The following ARHGEF3 variants were observed in gnomAD, a reference collection of about 807,000 sequenced individuals.
ARHGEF3 encodes the protein Rho guanine nucleotide exchange factor 3.
Under a neutral mutation model 63.2 loss-of-function variants are expected in ARHGEF3, and 28 were observed. That is an observed-to-expected ratio of 0.44 (90% confidence interval 0.33 to 0.61). The LOEUF (loss-of-function observed/expected upper bound fraction) is 0.61, where lower values mean the gene tolerates loss of function less well. ARHGEF3 is among the 20% of genes least tolerant of loss of function. ARHGEF3 has a pLI of 0.03. For synonymous variants in ARHGEF3, 266 were observed against 254.2 expected, an observed-to-expected ratio of 1.05 and a Z score of -0.44; for missense variants, 533 against 659.3, an observed-to-expected ratio of 0.81 and a Z score of 2.10.
chr3:56,926,980 C>T (rs1055030739), intron 3 of ARHGEF3, among the ~76,000 whole-genome samples: 2 of 152,110 alleles, frequency 1.3e-5, no homozygotes, highest in African/African-American at 4.8e-5. Flanking sequence ...TCTGGAAATG[C>T]CAAGCCAGCC....
chr3:56,764,286 T>C (rs1001432125), intron 2 of ARHGEF3, among the ~76,000 whole-genome samples: 6 of 152,160 alleles, frequency 3.9e-5, no homozygotes, highest in Non-Finnish European at 7.3e-5. Flanking sequence ...CTCAACCATC[T>C]TCATTGGGCA....
intron 1 of ARHGEF3, among the ~76,000 whole-genome samples, chr3:57,066,256 C>T (rs1705528709): frequency 6.6e-6 from 1 of 151,552 alleles, no homozygotes; most frequent in African/African-American, 2.4e-5. Flanking sequence ...AACCATTACA[C>T]TTTTCCTTTC....
At chr3:56,947,828 C>T (rs1339034046) in intron 3 of ARHGEF3, among the ~76,000 whole-genome samples, 3 of 152,176 alleles carry the variant, frequency 2.0e-5, no homozygotes, top group Non-Finnish European at 4.4e-5. Context: ...AATATACATT[C>T]TTCTCAGCAC....
chr3:57,042,696 ATATAT>A (rs1174547975), intron 1 of ARHGEF3, among the ~76,000 whole-genome samples: 24 of 33,512 alleles, frequency 7.2e-4, no homozygotes, highest in African/African-American at 1.8e-3. Context: ...ATATATATAT[ATATAT>A]TTTTTTTTTT....
At chr3:57,069,376 AACACACACACACAC>A (rs147675971) in intron 1 of ARHGEF3, among the ~76,000 whole-genome samples, 2 of 146,360 alleles carry the variant, frequency 1.4e-5, no homozygotes, top group African/African-American at 5.0e-5. Flanking sequence ...CTGTCTCTCA[AACACACACACACAC>A]ACACACACAC....
chr3:56,982,216 A>G (rs1701352654), intron 2 of ARHGEF3, among the ~76,000 whole-genome samples: 2 of 152,084 alleles, frequency 1.3e-5, no homozygotes, highest in African/African-American at 4.8e-5. Context: ...AAGGTAGCCT[A>G]TCACTAGACT....
At chr3:56,916,814 T>C (rs2042002362) in intron 3 of ARHGEF3, among the ~76,000 whole-genome samples, 1 of 152,226 alleles carries the variant, frequency 6.6e-6, no homozygotes, top group African/African-American at 2.4e-5. Context: ...GAGGAATCAA[T>C]GATCTACTTG....
intron 1 of ARHGEF3, among the ~76,000 whole-genome samples, chr3:56,782,078 A>G (rs1464192220): frequency 3.9e-5 from 6 of 152,238 alleles, no homozygotes; most frequent in African/African-American, 1.2e-4. Context: ...GAGCTTGCAA[A>G]TGACTCTTCA....
intron 4 of ARHGEF3, among the ~76,000 whole-genome samples, chr3:56,844,900 A>C (rs1337572300): frequency 6.6e-6 from 1 of 152,200 alleles, no homozygotes; most frequent in East Asian, 1.9e-4. Context: ...GCCATATAGA[A>C]CATGGCAAGA....
chr3:56,860,986 C>A (rs968628891), intron 4 of ARHGEF3, among the ~76,000 whole-genome samples: 1 of 152,100 alleles, frequency 6.6e-6, no homozygotes, highest in Non-Finnish European at 1.5e-5. Context: ...AAAGGCAATG[C>A]GGCAGAAATA....
intron 3 of ARHGEF3, among the ~76,000 whole-genome samples, chr3:56,927,382 G>A (rs752819999): frequency 4.6e-5 from 7 of 152,146 alleles, no homozygotes; most frequent in Non-Finnish European, 1.0e-4. Context: ...GCTGACAATG[G>A]CTAGGGCATT....
At chr3:56,745,095 A>G in intron 7 of ARHGEF3, 110 bp downstream of exon 7, 1 of 1,375,998 alleles carries the variant, frequency 7.3e-7, no homozygotes, top group Non-Finnish European at 9.9e-7. Flanking sequence ...GGAACCCAAG[A>G]TTCCTGAGTA....
intron 3 of ARHGEF3, among the ~76,000 whole-genome samples, chr3:56,894,297 C>T (rs918083448): frequency 1.1e-4 from 17 of 152,136 alleles, no homozygotes; most frequent in Non-Finnish European, 1.8e-4. Context: ...AATGTATCTA[C>T]GGCATTTGCA....
At chr3:56,934,766 G>C (rs2042509896) in intron 3 of ARHGEF3, among the ~76,000 whole-genome samples, 1 of 152,222 alleles carries the variant, frequency 6.6e-6, no homozygotes, top group Non-Finnish European at 1.5e-5. Flanking sequence ...ATGGGCTCCT[G>C]TGCGGCCCCA....
At chr3:56,995,123 G>A (rs1701919072) in intron 2 of ARHGEF3, among the ~76,000 whole-genome samples, 1 of 152,102 alleles carries the variant, frequency 6.6e-6, no homozygotes, top group South Asian at 2.1e-4. Flanking sequence ...CCAGTCTCAG[G>A]TAGTTCTTTA....
Position 56,754,987 on chromosome 3 carries a change from A to G in ARHGEF3, c.369T>C (p.Arg123=). Residue 123 remains arginine (R), a synonymous_variant, in exon 3 of 10, where the codon CGT becomes CGC. Coordinates refer to ENST00000296315, the MANE Select transcript of ARHGEF3 (RefSeq NM_019555.3). The stretch of plus-strand genomic sequence containing the variant: ...CCATGGGCCCCGAGCCTACCTCCTG[A>G]CGTTTGATTTCCTTGGATGTAAGCA... The part of the protein sequence containing the change: ...NQMLTSKEIK[R]QEAIFELSQG... 1 of 1,614,154 alleles carries G rather than the reference A, an allele frequency of 6.2e-7. No individual in the cohort carries two copies. Among genetic ancestry groups the G allele is most frequent in the African/African-American group, 1.3e-5 (1 of 75,036 alleles).
At chr3:56,803,414 G>C (rs1486767256), upstream of ARHGEF3, among the ~76,000 whole-genome samples, 2 of 150,970 alleles carry the variant, frequency 1.3e-5, no homozygotes, top group Admixed American at 6.6e-5. Context: ...ACTCCAGCCT[G>C]GGTGACAGAG....
intron 1 of ARHGEF3, among the ~76,000 whole-genome samples, chr3:57,061,548 AT>A (rs1705223378): frequency 6.6e-6 from 1 of 152,224 alleles, no homozygotes; most frequent in Non-Finnish European, 1.5e-5. Flanking sequence ...GTCAATAGAC[AT>A]TTGTATTATT....
intron 4 of ARHGEF3, among the ~76,000 whole-genome samples, chr3:56,855,403 G>C (rs996760562): frequency 6.6e-6 from 1 of 152,094 alleles, no homozygotes; most frequent in African/African-American, 2.4e-5. Flanking sequence ...AGTAGTCTGG[G>C]CTGGGCGTGG....
Sources: allele counts gnomAD v4.1 joint callset (sites outside exome capture counted in the v4.1 genomes callset), GRCh38; gene constraint gnomAD v4.1.1; transcripts MANE v1.5; gene names NCBI Gene and HGNC (gene_info 2026-07-23, HGNC 2026-07-21).